Variants in CD9 observed in about 807,000 individuals in gnomAD.
CD9 encodes the protein CD9 molecule.
CD9 carries 10 observed loss-of-function variants against 31.4 expected under a neutral mutation model. The observed-to-expected ratio is 0.32, with a 90% CI of 0.20 to 0.54. CD9 has a LOEUF of 0.54. Among genes scored for constraint, CD9 ranks in the 20% least tolerant of loss-of-function variants. The pLI is 0.94. For synonymous variants in CD9, 113 were observed against 114.1 expected (o/e 0.99, Z 0.06); for missense variants, 259 against 300.1 (o/e 0.86, Z 1.01).
chr12:6,237,474 G>A (rs1462393553), intron 7 of CD9, among the ~76,000 whole-genome samples: 2 of 152,168 alleles, frequency 1.3e-5, no homozygotes, highest in African/African-American at 4.8e-5. Flanking sequence ...GGAAAACCTG[G>A]AATTTGAGCA....
intron 1 of CD9, among the ~76,000 whole-genome samples, chr12:6,218,306 GCACC>G (rs1439733901): frequency 6.6e-6 from 1 of 152,142 alleles, no homozygotes; most frequent in Non-Finnish European, 1.5e-5. Flanking sequence ...CACGCCAAGA[GCACC>G]CAGTTTGTTT....
intron 4 of CD9, 39 bp downstream of exon 4, chr12:6,233,525 G>A (rs1591980586): frequency 6.8e-7 from 1 of 1,477,828 alleles, no homozygotes; most frequent in Non-Finnish European, 9.5e-7. Context: ...TTTGGGAGTT[G>A]GGGGATGGGG....
intron 1 of CD9, among the ~76,000 whole-genome samples, chr12:6,223,538 G>A (rs1946321098): frequency 6.6e-6 from 1 of 152,328 alleles, no homozygotes; most frequent in Middle Eastern, 3.4e-3. Context: ...TGGGATTACA[G>A]GCGTGAGCCA....
intron 2 of CD9, among the ~76,000 whole-genome samples, chr12:6,229,411 A>G (rs528842456): frequency 5.9e-5 from 9 of 152,330 alleles, no homozygotes; most frequent in Admixed American, 3.9e-4. Context: ...AAACCAGCAC[A>G]GCTTACACAA....
At chr12:6,230,926 CTG>C (rs1440374422) in intron 2 of CD9, among the ~76,000 whole-genome samples, 6 of 152,360 alleles carry the variant, frequency 3.9e-5, no homozygotes, top group African/African-American at 9.6e-5. Context: ...CAAACGCTCT[CTG>C]TGTGCATTCT....
chr12:6,211,132 G>A (rs1016143618), intron 1 of CD9, among the ~76,000 whole-genome samples: 2 of 152,112 alleles, frequency 1.3e-5, no homozygotes, highest in South Asian at 2.1e-4. Context: ...CACCGTGCCC[G>A]GCCCGAGCAA....
chr12:6,232,842 C>T lies in CD9; in HGVS notation c.273+113C>T. ...GGAGGGGGATGGGGTCAGGAAGGTA[C>T]CCAAAGGGCATGAGCTGTCCTCAGC... On this transcript the variant is annotated intron_variant, in intron 3 of 7. Transcript: ENST00000009180. This position sits in a 1 kb window ranked among gnomAD's most constrained non-coding sequence, Gnocchi z 4.8. 1.3e-6 allele frequency: 1 copy of T among 765,352 alleles called. No homozygotes were observed. The highest frequency in any genetic ancestry group is 2.3e-6 in the Non-Finnish European group (1 of 442,448). 47.4% of individuals were successfully genotyped at this position (765,352 alleles called of 1,614,324 possible).
At chr12:6,201,279 C>T (rs769740779) in intron 1 of CD9, among the ~76,000 whole-genome samples, 18 of 150,580 alleles carry the variant, frequency 1.2e-4, no homozygotes, top group Non-Finnish European at 1.3e-4. Context: ...CTTTCAAGGA[C>T]GATAAGTATC....
chr12:6,200,627 C>G, intron 1 of CD9, 62 bp downstream of exon 1: 1 of 1,171,450 alleles, frequency 8.5e-7, no homozygotes, highest in Non-Finnish European at 1.3e-6. Flanking sequence ...GCCCCGGACA[C>G]TGGCCGCGGC....
chr12:6,201,775 A>C (rs906407284), intron 1 of CD9, among the ~76,000 whole-genome samples: 12 of 152,250 alleles, frequency 7.9e-5, no homozygotes, highest in Admixed American at 1.3e-4. Flanking sequence ...ACAGTGGCTC[A>C]TGCCTGTAAT....
At chr12:6,224,358 C>T (rs1591973161) in intron 1 of CD9, among the ~76,000 whole-genome samples, 1 of 152,114 alleles carries the variant, frequency 6.6e-6, no homozygotes, top group African/African-American at 2.4e-5. Context: ...CCCTTATGCT[C>T]CTGGGGGGTA....
chr12:6,225,331 T>A, intron 1 of CD9, 95 bp from the exon 2 acceptor site: 1 of 796,802 alleles, frequency 1.3e-6, no homozygotes, highest in Non-Finnish European at 2.2e-6. Flanking sequence ...CCAAGGGTGG[T>A]CACAAAGTCC....
chr12:6,234,755 A>C (rs1410554602), intron 4 of CD9, among the ~76,000 whole-genome samples: 3 of 152,266 alleles, frequency 2.0e-5, no homozygotes, highest in Non-Finnish European at 2.9e-5. Flanking sequence ...GCAATATTTC[A>C]TTTAAATTCT....
intron 1 of CD9, among the ~76,000 whole-genome samples, chr12:6,213,596 T>G (rs1431489540): frequency 4.6e-5 from 7 of 152,226 alleles, no homozygotes; most frequent in African/African-American, 1.4e-4. Flanking sequence ...TCCTTGTGCC[T>G]TCCAAAAGGA....
chr12:6,216,251 C>T (rs962033899), intron 1 of CD9, among the ~76,000 whole-genome samples: 4 of 152,234 alleles, frequency 2.6e-5, no homozygotes, highest in African/African-American at 9.6e-5. Flanking sequence ...GGCCTATCTC[C>T]ACTTCTGTGG....
chr12:6,200,070 C>CAA (rs1946054731), upstream of CD9: 1 of 152,250 alleles, frequency 6.6e-6, no homozygotes, highest in African/African-American at 2.4e-5. Flanking sequence ...GCGAGGCCTC[C>CAA]ACGTAAGTCC....
chr12:6,237,556 C>T (rs1045742538), intron 7 of CD9, among the ~76,000 whole-genome samples: 7 of 152,222 alleles, frequency 4.6e-5, no homozygotes, highest in Non-Finnish European at 5.9e-5. Context: ...AGCTGACTGC[C>T]AACCCCCCCA....
At chr12:6,229,307 C>CG (rs1946411499) in intron 2 of CD9, among the ~76,000 whole-genome samples, 1 of 152,156 alleles carries the variant, frequency 6.6e-6, no homozygotes, top group Admixed American at 6.5e-5. Flanking sequence ...TCAGGACACG[C>CG]GACACTTGGC....
Position 6,200,573 on chromosome 12 carries a change from A to C in CD9, c.66+8A>C. ...TTTAACTTCATCTTCTGGGTGAGTG[A>C]GCGCGACTGCCGCGCGCTCCTCTCA... On this transcript the variant is annotated splice_region_variant and intron_variant, in intron 1 of 7. Coordinates refer to ENST00000009180, the MANE Select transcript of CD9 (RefSeq NM_001769.4). The C allele has an allele frequency of 6.3e-7, 1 of 1,597,688 alleles. No individual in the cohort carries two copies. The highest frequency in any genetic ancestry group is 1.1e-5 in the South Asian group (1 of 90,244).
Sources: gnomAD v4.1 joint callset for allele counts (sites outside exome capture counted in the v4.1 genomes callset) on GRCh38, gnomAD v4.1.1 for gene constraint, Gnocchi (gnomAD v3.1) non-coding constraint, MANE v1.5 for transcripts, NCBI Gene and HGNC (gene_info 2026-07-23, HGNC 2026-07-21) for gene names.